SHOC2: variants seen among roughly 807,000 people sequenced by gnomAD.
SHOC2 encodes leucine-rich repeat protein SHOC-2.
In SHOC2, 4 loss-of-function variants were observed where a neutral mutation model predicts 50.2. The observed-to-expected ratio is 0.08, with a 90% CI of 0.04 to 0.18. SHOC2 has a LOEUF of 0.18. Ranked by LOEUF, SHOC2 falls within the 10% of genes least tolerant of loss-of-function variation. The pLI, the probability that SHOC2 is intolerant of heterozygous loss-of-function variation, is 1.00. For synonymous variants in SHOC2, 218 were observed against 244.5 expected (o/e 0.89, Z 1.01); for missense variants, 388 against 669.6 (o/e 0.58, Z 4.64).
chr10:110,980,073 C>T (rs1467828791), intron 2 of SHOC2, among the ~76,000 whole-genome samples: 4 of 151,990 alleles, frequency 2.6e-5, no homozygotes, highest in Middle Eastern at 3.5e-3. Flanking sequence ...TATTCATCTA[C>T]AACCAGTTGG....
chr10:110,999,609 C>T (rs528301961), intron 3 of SHOC2, among the ~76,000 whole-genome samples: 17 of 151,724 alleles, frequency 1.1e-4, no homozygotes, highest in African/African-American at 2.9e-4. Flanking sequence ...TGGTGGTGGG[C>T]ACCTGTAATC....
At chr10:110,942,948 C>T (rs1847177438) in intron 1 of SHOC2, among the ~76,000 whole-genome samples, 1 of 152,176 alleles carries the variant, frequency 6.6e-6, no homozygotes, top group African/African-American at 2.4e-5. Context: ...ATCTCTTGTA[C>T]ATGATGAGTC....
intron 1 of SHOC2, among the ~76,000 whole-genome samples, chr10:110,920,668 G>A (rs1336718177): frequency 6.6e-6 from 1 of 152,220 alleles, no homozygotes; most frequent in Non-Finnish European, 1.5e-5. Context: ...AGCCCTTACA[G>A]TTGGCAGTTT....
chr10:110,946,021 C>T (rs1847239856), intron 1 of SHOC2, among the ~76,000 whole-genome samples: 1 of 152,026 alleles, frequency 6.6e-6, no homozygotes, highest in Non-Finnish European at 1.5e-5. Flanking sequence ...TAACTGATAC[C>T]CTACACAGAA....
chr10:110,956,962 A>G (rs1847476389), intron 1 of SHOC2, among the ~76,000 whole-genome samples: 1 of 152,196 alleles, frequency 6.6e-6, no homozygotes, highest in Non-Finnish European at 1.5e-5. Flanking sequence ...TGACCTGCAG[A>G]ATTAGACATC....
At chr10:110,978,936 A>T (rs1162311164) in intron 2 of SHOC2, among the ~76,000 whole-genome samples, 1 of 152,256 alleles carries the variant, frequency 6.6e-6, no homozygotes, top group Admixed American at 6.5e-5. Context: ...AGTAAATCTC[A>T]TGTGATTGCT....
intron 1 of SHOC2, among the ~76,000 whole-genome samples, chr10:110,947,369 C>T (rs777559142): frequency 4.6e-5 from 7 of 152,190 alleles, no homozygotes; most frequent in East Asian, 1.9e-4. Flanking sequence ...CCATGCTGTC[C>T]GGAATCTCTG....
intron 2 of SHOC2, among the ~76,000 whole-genome samples, chr10:110,966,982 A>T (rs1048187612): frequency 6.6e-6 from 1 of 152,200 alleles, no homozygotes; most frequent in Non-Finnish European, 1.5e-5. Flanking sequence ...AGATACATGG[A>T]TCTGGGGCAA....
intron 3 of SHOC2, among the ~76,000 whole-genome samples, chr10:110,986,385 T>C (rs1179582115): frequency 6.6e-6 from 1 of 152,240 alleles, no homozygotes; most frequent in East Asian, 1.9e-4. Context: ...ATTAATGTGG[T>C]ATAAGGATAC....
chr10:110,971,496 T>G (rs1847781710), intron 2 of SHOC2, among the ~76,000 whole-genome samples: 1 of 152,104 alleles, frequency 6.6e-6, no homozygotes, highest in African/African-American at 2.4e-5. Flanking sequence ...ATGCCTCCAA[T>G]TTTGTCCTTT....
At chr10:110,926,741 CCT>C (rs1408402263) in intron 1 of SHOC2, among the ~76,000 whole-genome samples, 5 of 152,072 alleles carry the variant, frequency 3.3e-5, no homozygotes, top group African/African-American at 7.2e-5. Context: ...TTGTTAATAA[CCT>C]CATGTATTTT....
chr10:110,954,758 G>C (rs1228480902), intron 1 of SHOC2, among the ~76,000 whole-genome samples: 1 of 152,114 alleles, frequency 6.6e-6, no homozygotes, highest in East Asian at 1.9e-4. Flanking sequence ...TTATTTAAGG[G>C]GTGAAGCTTG....
chr10:110,996,824 C>T (rs1201962262), intron 3 of SHOC2, among the ~76,000 whole-genome samples: 1 of 152,116 alleles, frequency 6.6e-6, no homozygotes, highest in Non-Finnish European at 1.5e-5. Flanking sequence ...CAGTGGATAA[C>T]TCACTAAGTG....
At chr10:111,002,027 C>T (rs1179515045) in intron 4 of SHOC2, among the ~76,000 whole-genome samples, 1 of 147,016 alleles carries the variant, frequency 6.8e-6, no homozygotes. Flanking sequence ...GCCTGGGCAA[C>T]AAAGGGAGAC....
At chr10:111,004,550 A>G in intron 4 of SHOC2, 56 bp from the exon 5 acceptor site, 2 of 1,330,344 alleles carry the variant, frequency 1.5e-6, no homozygotes, top group Admixed American at 1.7e-5. Flanking sequence ...GCTGTTCTAT[A>G]AAAAATGAGT....
chr10:110,963,242 C>A lies in SHOC2; in HGVS notation c.-234-883C>A, dbSNP rs922890410. Among the ~76,000 whole-genome samples, 3 of 152,104 alleles carry A rather than the reference C, an allele frequency of 2.0e-5. No homozygotes were observed. The South Asian group carries it at 6.2e-4, about 31-fold the overall frequency. On this transcript the variant is annotated intron_variant, in intron 1 of 8. Transcript: ENST00000369452. ...TTCCTTCCATAAATATTTTACTAAT[C>A]TTTTTGTCCTTTGCCAATCTTTTCG... is the stretch of plus-strand genomic sequence containing the variant.
intron 5 of SHOC2, among the ~76,000 whole-genome samples, chr10:111,006,737 C>T (rs1848475704): frequency 1.3e-5 from 2 of 152,220 alleles, no homozygotes; most frequent in Admixed American, 1.3e-4. Flanking sequence ...GGTAGCATCA[C>T]TGTTAACATA....
At chr10:111,003,184 G>A (rs964380381) in intron 4 of SHOC2, among the ~76,000 whole-genome samples, 5 of 152,168 alleles carry the variant, frequency 3.3e-5, no homozygotes, top group South Asian at 4.1e-4. Flanking sequence ...CATTCCTTCA[G>A]ATGGCTTTGC....
chr10:110,928,256 G>A (rs543250591), intron 1 of SHOC2, among the ~76,000 whole-genome samples: 2 of 152,258 alleles, frequency 1.3e-5, no homozygotes, highest in African/African-American at 4.8e-5. Flanking sequence ...GGCAGAGGTT[G>A]CAGTGAGCTG....
Sources: gnomAD v4.1 joint callset for allele counts (sites outside exome capture counted in the v4.1 genomes callset) on GRCh38, gnomAD v4.1.1 for gene constraint, MANE v1.5 for transcripts, NCBI Gene and HGNC (gene_info 2026-07-23, HGNC 2026-07-21) for gene names.